Variants in HIVEP3 observed in about 807,000 individuals in gnomAD.
HIVEP3 encodes the protein HIVEP zinc finger 3, also known as transcription factor HIVEP3.
HIVEP3 carries 49 observed loss-of-function variants against 152.8 expected under a neutral mutation model. The observed-to-expected ratio is 0.32, with a 90% CI of 0.26 to 0.41. The LOEUF is 0.41. Ranked by LOEUF, HIVEP3 falls within the 10% of genes least tolerant of loss-of-function variation. HIVEP3 has a pLI of 1.00. For missense variants in HIVEP3, 2,790 were observed against 3,103.3 expected, an observed-to-expected ratio of 0.90 and a Z score of 2.40; for synonymous variants, 1,269 against 1,289.0, an observed-to-expected ratio of 0.98 and a Z score of 0.33.
chr1:41,535,630 G>A (rs10890105), intron 5 of HIVEP3: 31,699 of 152,100 alleles, frequency 0.21, 3,490 homozygotes, highest in East Asian at 0.38. Flanking sequence ...GGAGGGGTAT[G>A]GCGAGACCAG....
At chr1:41,709,566 T>C (rs1389463181) in intron 1 of HIVEP3, among the ~76,000 whole-genome samples, 1 of 152,156 alleles carries the variant, frequency 6.6e-6, no homozygotes, top group African/African-American at 2.4e-5. Flanking sequence ...GAAACCAGCC[T>C]ATAGCTTGAG....
chr1:41,931,053 C>T (rs192239170), intron 1 of HIVEP3, among the ~76,000 whole-genome samples: 210 of 151,918 alleles, frequency 1.4e-3, no homozygotes, highest in African/African-American at 4.3e-3. Context: ...CAAATATTTT[C>T]TCACAATCTG....
At chr1:41,552,306 C>T (rs1165524558) in intron 5 of HIVEP3, among the ~76,000 whole-genome samples, 4 of 150,746 alleles carry the variant, frequency 2.7e-5, no homozygotes, top group East Asian at 1.9e-4. Flanking sequence ...CATGCTGGTG[C>T]GTTGCACCCA....
At chr1:41,924,184 G>A (rs896661271) in intron 1 of HIVEP3, among the ~76,000 whole-genome samples, 1 of 152,184 alleles carries the variant, frequency 6.6e-6, no homozygotes, top group African/African-American at 2.4e-5. Flanking sequence ...TGAGATTGGA[G>A]TGATGCAGCC....
chr1:41,651,570 G>A (rs1006432545), intron 2 of HIVEP3, among the ~76,000 whole-genome samples: 1 of 152,214 alleles, frequency 6.6e-6, no homozygotes, highest in African/African-American at 2.4e-5. Context: ...ACAGGAGGAT[G>A]TGTGTAGGTT....
At chr1:41,813,379 C>A (rs1408096587) in intron 1 of HIVEP3, among the ~76,000 whole-genome samples, 6 of 152,242 alleles carry the variant, frequency 3.9e-5, no homozygotes, top group Non-Finnish European at 7.3e-5. Context: ...ATCATGGCAG[C>A]TGGAAAACAG....
intron 1 of HIVEP3, among the ~76,000 whole-genome samples, chr1:41,711,681 C>G (rs540251222): frequency 6.6e-6 from 1 of 152,214 alleles, no homozygotes; most frequent in Non-Finnish European, 1.5e-5. Context: ...GCCTTCTCCT[C>G]GTCCTTCCTG....
intron 1 of HIVEP3, among the ~76,000 whole-genome samples, chr1:41,733,901 T>C (rs560617375): frequency 7.2e-5 from 11 of 152,070 alleles, no homozygotes; most frequent in African/African-American, 1.9e-4. Context: ...CTCCTCCAGG[T>C]GTCCCACTCC....
intron 2 of HIVEP3, among the ~76,000 whole-genome samples, chr1:41,678,545 C>T (rs151305861): frequency 7.2e-5 from 11 of 152,102 alleles, no homozygotes; most frequent in Non-Finnish European, 1.6e-4. Flanking sequence ...CGCTCCTCTC[C>T]ACCCACACAC....
rs772105236 is a variant in HIVEP3 at position 41,511,103 on chromosome 1, G to A, written c.6569C>T (p.Ala2190Val). ...LPLHSQHLTR[A>V]PCPLIPIGGI... is the part of the protein sequence containing the mutation. ...ACCGATGGGAATCAAGGGACATGGG[G>A]CACGGGTCAAGTGCTGGGAGTGCAG... Residue 2190 changes from alanine (A) to valine (V), a missense_variant, in exon 9 of 9, where the codon GCC becomes GTC. Physicochemically the swap from Ala to Val is moderately conservative, Grantham distance 64. This residue lies in a region of HIVEP3 where 816 missense variants were observed against 806.5 expected (regional missense o/e 1.01). Coordinates refer to ENST00000372583, the MANE Select transcript of HIVEP3 (RefSeq NM_024503.5). This position sits in a 1 kb window ranked among gnomAD's most constrained non-coding sequence, Gnocchi z 4.9. The A allele has an allele frequency of 6.2e-7, 1 of 1,614,204 alleles. No individual in the cohort carries two copies.
At chr1:41,982,645 T>C (rs1645299457) in intron 1 of HIVEP3, among the ~76,000 whole-genome samples, 2 of 152,220 alleles carry the variant, frequency 1.3e-5, no homozygotes, top group African/African-American at 2.4e-5. Flanking sequence ...ACAAATGTAG[T>C]TCCACCGGGT....
chr1:42,011,391 A>T (rs1190261097), intron 1 of HIVEP3, among the ~76,000 whole-genome samples: 1 of 152,242 alleles, frequency 6.6e-6, no homozygotes, highest in African/African-American at 2.4e-5. Flanking sequence ...TTTTCTCTTT[A>T]TAAAAAGAAT....
At chr1:41,814,553 G>A (rs1213758118) in intron 1 of HIVEP3, among the ~76,000 whole-genome samples, 19 of 152,224 alleles carry the variant, frequency 1.2e-4, no homozygotes, top group Admixed American at 1.2e-3. Flanking sequence ...CCAGATTATA[G>A]CCATGAATCT....
intron 1 of HIVEP3, among the ~76,000 whole-genome samples, chr1:41,993,713 C>T (rs1167155822): frequency 6.0e-5 from 9 of 151,004 alleles, no homozygotes; most frequent in South Asian, 2.1e-4. Flanking sequence ...ATGTTTATTG[C>T]GGCACTATTC....
chr1:41,958,939 G>A lies in HIVEP3; in HGVS notation n.120-40415C>T, dbSNP rs1318818886. Among the ~76,000 whole-genome samples the A allele has an allele frequency of 3.3e-5, 5 of 152,302 alleles. No individual in the cohort carries two copies. The East Asian group carries it at 7.7e-4, about 24-fold the overall frequency. Reference sequence around the variant, plus strand: ...TGTGGGAGTGGGCACCAAGTGACATGAGCTCTGTGTTGTGTGTTAAGGCCA... The same window carrying A: ...TGTGGGAGTGGGCACCAAGTGACATAAGCTCTGTGTTGTGTGTTAAGGCCA... On this transcript the variant is annotated intron_variant and non_coding_transcript_variant, in intron 1 of 3. Transcript: ENST00000489103.
At chr1:41,940,797 C>G (rs879723936) in intron 1 of HIVEP3, among the ~76,000 whole-genome samples, 15 of 150,060 alleles carry the variant, frequency 1.0e-4, no homozygotes, top group Non-Finnish European at 1.9e-4. Context: ...ACAAGTATAA[C>G]AGGAGAGCAT....
intron 1 of HIVEP3, among the ~76,000 whole-genome samples, chr1:41,992,043 T>C (rs1457428156): frequency 6.7e-6 from 1 of 149,700 alleles, no homozygotes; most frequent in Non-Finnish European, 1.5e-5. Context: ...GCCAATATCA[T>C]ACTGAATGGG....
At chr1:41,607,965 G>A (rs924671505) in intron 3 of HIVEP3, among the ~76,000 whole-genome samples, 2 of 152,208 alleles carry the variant, frequency 1.3e-5, no homozygotes, top group Non-Finnish European at 2.9e-5. Flanking sequence ...GCTGGGAGTT[G>A]CACTTGTCAT....
At chr1:41,678,248 G>A (rs559847105) in intron 2 of HIVEP3, among the ~76,000 whole-genome samples, 94 of 152,258 alleles carry the variant, frequency 6.2e-4, no homozygotes, top group Non-Finnish European at 1.2e-3. Context: ...TGGATGCTCC[G>A]CTCCAGAGAG....
Sources: gnomAD v4.1 joint callset for allele counts (sites outside exome capture counted in the v4.1 genomes callset) on GRCh38, gnomAD v4.1.1 for gene constraint, gnomAD v4.1.1 regional missense constraint, Gnocchi (gnomAD v3.1) non-coding constraint, MANE v1.5 for transcripts, NCBI Gene and HGNC (gene_info 2026-07-23, HGNC 2026-07-21) for gene names.